Variants in GULP1 observed in about 807,000 individuals in gnomAD.
GULP1 encodes PTB domain-containing engulfment adapter protein 1.
In GULP1, 19 loss-of-function variants were observed where a neutral mutation model predicts 40.9. The ratio of observed to expected loss-of-function variants is 0.46; its 90% confidence interval spans 0.32 to 0.68. The LOEUF (loss-of-function observed/expected upper bound fraction) is 0.68. Ranked by LOEUF, GULP1 falls within the 30% of genes least tolerant of loss-of-function variation. GULP1 has a pLI of 0.03. For synonymous variants in GULP1, 119 were observed against 117.6 expected (o/e 1.01, Z -0.08); for missense variants, 312 against 362.2 (o/e 0.86, Z 1.12).
intron 2 of GULP1, among the ~76,000 whole-genome samples, chr2:188,440,601 G>A (rs1007480757): frequency 9.2e-5 from 14 of 151,986 alleles, no homozygotes; most frequent in Non-Finnish European, 2.1e-4. Flanking sequence ...GTCTTGCTTT[G>A]TCACCCAGGC....
At chr2:188,306,495 AC>A (rs1457974815) in intron 1 of GULP1, among the ~76,000 whole-genome samples, 3 of 152,158 alleles carry the variant, frequency 2.0e-5, no homozygotes, top group Admixed American at 1.3e-4. Context: ...AGGGGATTTG[AC>A]ATTCTAGTTG....
chr2:188,583,713 A>G (rs1701785639), intron 9 of GULP1, among the ~76,000 whole-genome samples: 1 of 152,178 alleles, frequency 6.6e-6, no homozygotes, highest in South Asian at 2.1e-4. Flanking sequence ...CAGGAGTAAA[A>G]TGTACTGCAA....
chr2:188,546,853 A>G (rs1218007142), intron 7 of GULP1, among the ~76,000 whole-genome samples: 1 of 152,026 alleles, frequency 6.6e-6, no homozygotes, highest in African/African-American at 2.4e-5. Flanking sequence ...CAATATTTAG[A>G]ATGAAAACCA....
intron 7 of GULP1, among the ~76,000 whole-genome samples, chr2:188,560,763 G>A (rs1696041504): frequency 6.6e-6 from 1 of 152,188 alleles, no homozygotes; most frequent in South Asian, 2.1e-4. Context: ...AGAAGGCAAA[G>A]CAGGTGCAGC....
At chr2:188,432,202 C>G (rs184735092) in intron 2 of GULP1, among the ~76,000 whole-genome samples, 38 of 151,564 alleles carry the variant, frequency 2.5e-4, no homozygotes, top group African/African-American at 7.7e-4. Flanking sequence ...GGAAATTATA[C>G]AGGCATTTAA....
chr2:188,501,152 A>G (rs1344480835), intron 4 of GULP1, among the ~76,000 whole-genome samples: 1 of 152,000 alleles, frequency 6.6e-6, no homozygotes, highest in South Asian at 2.1e-4. Flanking sequence ...ATCCTCACCC[A>G]AATCTCTTGT....
intron 1 of GULP1, among the ~76,000 whole-genome samples, chr2:188,315,261 T>C (rs916017111): frequency 6.6e-6 from 1 of 152,100 alleles, no homozygotes; most frequent in Non-Finnish European, 1.5e-5. Flanking sequence ...TTACAGTATG[T>C]TGTTGTAATT....
chr2:188,559,633 G>T (rs1695732042), intron 7 of GULP1, among the ~76,000 whole-genome samples: 1 of 152,130 alleles, frequency 6.6e-6, no homozygotes, highest in Non-Finnish European at 1.5e-5. Flanking sequence ...TGGACTTTTG[G>T]GTTAATGCTT....
chr2:188,369,449 A>T (rs1247730295), intron 1 of GULP1, among the ~76,000 whole-genome samples: 2 of 152,010 alleles, frequency 1.3e-5, no homozygotes, highest in Non-Finnish European at 2.9e-5. Context: ...CAAGACAGGA[A>T]CCCCAGCCAA....
rs200640424 is a variant in GULP1 at position 188,587,943 on chromosome 2, G to T, written c.837G>T (p.Glu279Asp). The T allele has an allele frequency of 2.0e-4, 302 of 1,516,190 alleles. 1 individual carries two copies. Among genetic ancestry groups the T allele is most frequent in the Non-Finnish European group, 9.1e-5 (99 of 1,090,692 alleles). 93.9% of individuals were successfully genotyped at this position (1,516,190 alleles called of 1,614,324 possible). A position where few individuals can be genotyped will look rare whatever the true frequency, so the allele number is the denominator to read the frequency against. Residue 279 changes from glutamate to aspartate, a missense_variant, in exon 11 of 12, where the codon GAG becomes GAT. By Grantham distance (45) the Glu-to-Asp change is conservative (BLOSUM62 2). Transcript: ENST00000409830. ...FPPDIQSKLD[E>D]MQEGFKMGLT... Reference sequence around the variant, plus strand: ...CAGATATTCAATCAAAATTAGATGAGATGCAGGTGACTATTTTGATAGACT... The same window carrying T: ...CAGATATTCAATCAAAATTAGATGATATGCAGGTGACTATTTTGATAGACT...
At chr2:188,472,258 T>A (rs2060650206) in intron 2 of GULP1, among the ~76,000 whole-genome samples, 1 of 152,148 alleles carries the variant, frequency 6.6e-6, no homozygotes, top group African/African-American at 2.4e-5. Context: ...TTGTCTTCTT[T>A]GTGTTAAATC....
intron 2 of GULP1, among the ~76,000 whole-genome samples, chr2:188,437,068 C>T (rs1396194615): frequency 6.6e-6 from 1 of 151,936 alleles, no homozygotes; most frequent in Non-Finnish European, 1.5e-5. Flanking sequence ...TCTAATATGT[C>T]CTTGTTTTTA....
chr2:188,569,509 T>C, intron 8 of GULP1, 154 bp downstream of exon 8: 1 of 642,294 alleles, frequency 1.6e-6, no homozygotes, highest in Non-Finnish European at 2.8e-6. Flanking sequence ...TTTTCGTTCC[T>C]GATCCCCTGC....
At chr2:188,517,233 G>C (rs774874663) in intron 4 of GULP1, among the ~76,000 whole-genome samples, 1 of 151,998 alleles carries the variant, frequency 6.6e-6, no homozygotes, top group Non-Finnish European at 1.5e-5. Flanking sequence ...CCTCTCTGCT[G>C]TATTCTTAAC....
chr2:188,319,804 T>C (rs1478272800), intron 1 of GULP1, among the ~76,000 whole-genome samples: 1 of 152,184 alleles, frequency 6.6e-6, no homozygotes, highest in Non-Finnish European at 1.5e-5. Flanking sequence ...ATTTTGTTGA[T>C]TCAGAGCTCT....
intron 9 of GULP1, chr2:188,582,216 G>C: frequency 2.8e-6 from 1 of 358,832 alleles, no homozygotes; most frequent in Non-Finnish European, 5.6e-6. Flanking sequence ...TTTTAGAAAA[G>C]TTACTGTGAA....
At chr2:188,434,544 C>T (rs187187419) in intron 2 of GULP1, among the ~76,000 whole-genome samples, 1 of 149,950 alleles carries the variant, frequency 6.7e-6, no homozygotes, top group East Asian at 2.0e-4. Context: ...TTTTTTCTGC[C>T]TTCCATATTT....
chr2:188,494,929 T>C (rs754715718), intron 4 of GULP1, among the ~76,000 whole-genome samples: 48 of 152,032 alleles, frequency 3.2e-4, no homozygotes, highest in Non-Finnish European at 4.9e-4. Context: ...GCTTAGCTTG[T>C]TCCTCCTGGA....
Position 188,292,726 on chromosome 2 carries a change from C to G in GULP1, c.-172+560C>G, listed in dbSNP as rs2034041428. ...ATGGGGGTGGGGAGGCGCGAAGCTCCGAGGCCGGGCCGCGGATACTTTAAA... is the reference window on the plus strand; with the variant it reads ...ATGGGGGTGGGGAGGCGCGAAGCTCGGAGGCCGGGCCGCGGATACTTTAAA... On this transcript the variant is annotated intron_variant, in intron 1 of 11. Transcript: ENST00000409830. The surrounding 1 kb of genome is among the most constrained non-coding windows in gnomAD (Gnocchi z 4.0). The G allele has an allele frequency of 2.6e-5, 4 of 152,694 alleles. No individual in the cohort carries two copies. Among genetic ancestry groups the G allele is most frequent in the South Asian group, 4.1e-4 (2 of 4,836 alleles). The allele number at this position is 152,694 out of a possible 1,614,324, so 9.5% of individuals were successfully genotyped here. A position where few individuals can be genotyped will look rare whatever the true frequency, so the allele number is the denominator to read the frequency against.
Sources: allele counts gnomAD v4.1 joint callset (sites outside exome capture counted in the v4.1 genomes callset), GRCh38; gene constraint gnomAD v4.1.1; non-coding constraint Gnocchi (gnomAD v3.1); transcripts MANE v1.5; gene names NCBI Gene and HGNC (gene_info 2026-07-23, HGNC 2026-07-21).